The following SPACA7 variants were observed in gnomAD, a reference collection of about 807,000 sequenced individuals.
SPACA7 encodes the protein sperm acrosome associated 7, also known as sperm acrosome-associated protein 7.
Under a neutral mutation model 26.3 loss-of-function variants are expected in SPACA7, and 19 were observed. The ratio of observed to expected loss-of-function variants is 0.72; its 90% CI spans 0.50 to 1.06. The LOEUF is 1.06. Among genes scored for constraint, SPACA7 ranks in the 50% least tolerant of loss-of-function variants. The probability of loss-of-function intolerance (pLI) is 0.00; values close to 1 mark genes in which losing one functional copy is unlikely to be tolerated. For missense variants in SPACA7, 211 were observed against 229.9 expected (o/e 0.92, Z 0.53); for synonymous variants, 84 against 84.5 (o/e 0.99, Z 0.04).
At chr13:112,427,097 G>A (rs1460109618) in intron 5 of SPACA7, among the ~76,000 whole-genome samples, 1 of 152,204 alleles carries the variant, frequency 6.6e-6, no homozygotes, top group Non-Finnish European at 1.5e-5. Context: ...AATGGAGTTT[G>A]AATTCTGAGA....
intron 5 of SPACA7, among the ~76,000 whole-genome samples, chr13:112,405,736 T>G (rs4907699): frequency 3.3e-5 from 5 of 151,920 alleles, no homozygotes; most frequent in Admixed American, 6.5e-5. Flanking sequence ...ATTCAACCTG[T>G]CTTTTGTTAA....
intron 6 of SPACA7, among the ~76,000 whole-genome samples, chr13:112,432,936 G>A (rs555853834): frequency 1.3e-5 from 2 of 152,254 alleles, no homozygotes; most frequent in African/African-American, 4.8e-5. Flanking sequence ...CGTGGGGTGG[G>A]GACCCCCAGT....
intron 5 of SPACA7, among the ~76,000 whole-genome samples, chr13:112,419,301 T>C (rs1194406445): frequency 6.6e-6 from 1 of 152,116 alleles, no homozygotes; most frequent in Admixed American, 6.5e-5. Flanking sequence ...TAATATGCAT[T>C]TGAAAAATCC....
intron 5 of SPACA7, among the ~76,000 whole-genome samples, chr13:112,405,315 A>AT (rs1263690372): frequency 2.0e-5 from 3 of 150,728 alleles, no homozygotes; most frequent in Admixed American, 1.3e-4. Flanking sequence ...TAATTCTTTT[A>AT]TTTTTTTCCT....
chr13:112,409,126 A>AT (rs1409603677), intron 5 of SPACA7, among the ~76,000 whole-genome samples: 3 of 152,224 alleles, frequency 2.0e-5, no homozygotes, highest in African/African-American at 7.2e-5. Flanking sequence ...AGGATTCCCT[A>AT]TTTAATAAAT....
intron 2 of SPACA7, among the ~76,000 whole-genome samples, chr13:112,393,341 G>A (rs1201659060): frequency 6.6e-6 from 1 of 150,890 alleles, no homozygotes; most frequent in Non-Finnish European, 1.5e-5. Flanking sequence ...TGAGGTCCAA[G>A]GACCCTCAGC....
intron 1 of SPACA7, among the ~76,000 whole-genome samples, chr13:112,383,129 G>GA (rs751182755): frequency 1.2e-4 from 1 of 8,278 alleles, no homozygotes; most frequent in African/African-American, 5.0e-4. Context: ...AGAAAAGAAA[G>GA]AAAGAAAGAA....
At chr13:112,403,120 C>G (rs1162992609) in intron 5 of SPACA7, among the ~76,000 whole-genome samples, 1 of 152,014 alleles carries the variant, frequency 6.6e-6, no homozygotes, top group Non-Finnish European at 1.5e-5. Context: ...CTTCCTGGTG[C>G]TTTTTCTGGG....
chr13:112,426,151 T>C (rs1421054109), intron 5 of SPACA7, among the ~76,000 whole-genome samples: 1 of 152,276 alleles, frequency 6.6e-6, no homozygotes, highest in Non-Finnish European at 1.5e-5. Flanking sequence ...CATGTCCAAT[T>C]GTTCCAACAT....
In SPACA7 at chr13:112,433,182, C is replaced by T. The variant is rs371326727; in HGVS notation, c.523+661C>T. On this transcript the variant is annotated intron_variant, in intron 6 of 6. Coordinates refer to ENST00000283550, the MANE Select transcript of SPACA7 (RefSeq NM_145248.5). The stretch of plus-strand genomic sequence containing the variant: ...CCCCCCATACCCTGCAGCACTTGCC[C>T]GTCCACGCAGCCTGAGACCCTCCAT... 7.4e-5 allele frequency among the ~76,000 whole-genome samples: 11 copies of T among 148,764 alleles called. No homozygotes were observed. In the East Asian group the frequency reaches 1.4e-3, roughly 19 times the overall value.
At chr13:112,406,213 C>A (rs1338653926) in intron 5 of SPACA7, among the ~76,000 whole-genome samples, 1 of 152,134 alleles carries the variant, frequency 6.6e-6, no homozygotes, top group Non-Finnish European at 1.5e-5. Context: ...TTCTATCACC[C>A]CAAATTGAAA....
intron 1 of SPACA7, among the ~76,000 whole-genome samples, chr13:112,390,065 G>C (rs1218361862): frequency 6.6e-6 from 1 of 151,906 alleles, no homozygotes; most frequent in African/African-American, 2.4e-5. Flanking sequence ...ATCTGGGATT[G>C]TCTGGGTCCA....
intron 5 of SPACA7, among the ~76,000 whole-genome samples, chr13:112,419,884 T>C (rs1252054541): frequency 6.6e-6 from 1 of 152,234 alleles, no homozygotes; most frequent in Non-Finnish European, 1.5e-5. Flanking sequence ...AAACCCGCTC[T>C]GCCGTGCAGG....
intron 1 of SPACA7, among the ~76,000 whole-genome samples, chr13:112,383,197 A>G (rs1226226747): frequency 5.8e-5 from 8 of 137,518 alleles, no homozygotes; most frequent in African/African-American, 1.2e-4. Flanking sequence ...AAGAAAGAAA[A>G]GAAAGAAAGA....
chr13:112,404,098 T>C (rs1171982452), intron 5 of SPACA7, among the ~76,000 whole-genome samples: 1 of 152,158 alleles, frequency 6.6e-6, no homozygotes, highest in Non-Finnish European at 1.5e-5. Flanking sequence ...TATTTTTTGA[T>C]TTTTTGATTA....
At chr13:112,388,693 A>T (rs1884688598) in intron 1 of SPACA7, among the ~76,000 whole-genome samples, 2 of 152,204 alleles carry the variant, frequency 1.3e-5, no homozygotes, top group East Asian at 3.8e-4. Context: ...ACAACAGGGG[A>T]AATGCAATAG....
chr13:112,377,796 G>T (rs1336847591), intron 1 of SPACA7, among the ~76,000 whole-genome samples: 1 of 152,198 alleles, frequency 6.6e-6, no homozygotes, highest in Non-Finnish European at 1.5e-5. Flanking sequence ...AACAAGATAA[G>T]TCCATGTTTC....
chr13:112,379,232 C>T (rs1883889883), intron 1 of SPACA7, among the ~76,000 whole-genome samples: 1 of 152,118 alleles, frequency 6.6e-6, no homozygotes, highest in Non-Finnish European at 1.5e-5. Flanking sequence ...AAAGTCCAGT[C>T]TAATAGTGCA....
intron 4 of SPACA7, among the ~76,000 whole-genome samples, 173 bp downstream of exon 4, chr13:112,399,346 C>G (rs1164945618): frequency 6.6e-6 from 1 of 152,256 alleles, no homozygotes; most frequent in South Asian, 2.1e-4. Flanking sequence ...GGCTGAGGGA[C>G]CCCCAGCTTC....
Sources: allele counts gnomAD v4.1 joint callset (sites outside exome capture counted in the v4.1 genomes callset), GRCh38; gene constraint gnomAD v4.1.1; transcripts MANE v1.5; gene names NCBI Gene and HGNC (gene_info 2026-07-23, HGNC 2026-07-21).